ZC3H14: variants seen among roughly 807,000 people sequenced by gnomAD.
ZC3H14 encodes the protein zinc finger CCCH-type containing 14, also known as zinc finger CCCH domain-containing protein 14.
A neutral mutation model predicts 92.4 loss-of-function variants in ZC3H14; 31 were observed. That is an observed-to-expected ratio of 0.34 (90% CI 0.25 to 0.45). The LOEUF is 0.45. Ranked by LOEUF, ZC3H14 falls within the 20% of genes least tolerant of loss-of-function variation. The pLI is 1.00. For synonymous variants in ZC3H14, 321 were observed against 300.9 expected (o/e 1.07, Z -0.69); for missense variants, 781 against 897.3 (o/e 0.87, Z 1.66).
rs2089035974 is a variant in ZC3H14 at position 88,621,929 on chromosome 14, C to G, written c.*10178C>G. 1 of 455,198 alleles carries G rather than the reference C, an allele frequency of 2.2e-6. No homozygotes were observed. Among genetic ancestry groups the G allele is most frequent in the African/African-American group, 2.0e-5 (1 of 50,006 alleles). 28.2% of individuals were successfully genotyped at this position (455,198 alleles called of 1,614,324 possible). A position where few individuals can be genotyped will look rare whatever the true frequency, so the allele number is the denominator to read the frequency against. ...CCTGAAAATACATAAATACGTGATT[C>G]TTAACTATAGTCATCCTACAGTACT... is the stretch of plus-strand genomic sequence containing the variant. On this transcript the variant is annotated 3_prime_UTR_variant, in exon 17 of 17. Coordinates refer to ENST00000251038, the MANE Select transcript of ZC3H14 (RefSeq NM_024824.5).
intron 9 of ZC3H14, chr14:88,586,483 A>G (rs1595655774): frequency 6.6e-6 from 1 of 151,998 alleles, no homozygotes; most frequent in African/African-American, 2.4e-5. Flanking sequence ...TGCTCTCCAC[A>G]CCTTATATAT....
At chr14:88,580,755 A>G (rs2081819119) in intron 9 of ZC3H14, among the ~76,000 whole-genome samples, 1 of 152,216 alleles carries the variant, frequency 6.6e-6, no homozygotes, top group Non-Finnish European at 1.5e-5. Context: ...ATTTACCCAG[A>G]ACCATAACAC....
rs1176507038 is a variant in ZC3H14 at position 88,625,820 on chromosome 14, T to C, written c.*14069T>C. 6.6e-6 allele frequency: 1 copy of C among 152,230 alleles called. No homozygotes were observed. 9.4% of individuals were successfully genotyped at this position (152,230 alleles called of 1,614,324 possible). A position where few individuals can be genotyped will look rare whatever the true frequency, so the allele number is the denominator to read the frequency against. ...TCAAAAATGTAAGTGTACTTAAATA[T>C]TCTAAAATTATAACTTTTCCTATAA... On this transcript the variant is annotated 3_prime_UTR_variant, in exon 17 of 17. Coordinates refer to ENST00000251038, the MANE Select transcript of ZC3H14 (RefSeq NM_024824.5).
At chr14:88,563,208 C>T (rs773274592) in intron 1 of ZC3H14, 39 bp downstream of exon 1, 3 of 1,591,660 alleles carry the variant, frequency 1.9e-6, no homozygotes, top group Non-Finnish European at 1.7e-6. Context: ...AGCCAGGTCT[C>T]GGCGAGCGGG....
chr14:88,627,406 G>C lies in ZC3H14; in HGVS notation c.*15655G>C, dbSNP rs928847075. 6.1e-6 allele frequency: 3 copies of C among 493,642 alleles called. No individual in the cohort carries two copies. Among genetic ancestry groups the C allele is most frequent in the Non-Finnish European group, 1.1e-5 (3 of 281,666 alleles). 30.6% of individuals were successfully genotyped at this position (493,642 alleles called of 1,614,324 possible). A position where few individuals can be genotyped will look rare whatever the true frequency, so the allele number is the denominator to read the frequency against. ...CATAGTTTCTTGCTGGAAGAAAATA[G>C]CAGTGAATCATTTATAATGCTAATA... On this transcript the variant is annotated 3_prime_UTR_variant, in exon 17 of 17. Coordinates refer to ENST00000251038, the MANE Select transcript of ZC3H14 (RefSeq NM_024824.5).
At position 88,615,995 on chromosome 14, in the gene ZC3H14, T is replaced by C; in HGVS notation, c.*4244T>C. The C allele has an allele frequency of 7.9e-7, 1 of 1,267,498 alleles. No homozygotes were observed. Among genetic ancestry groups the C allele is most frequent in the Non-Finnish European group, 1.1e-6 (1 of 900,862 alleles). The allele number at this position is 1,267,498 out of a possible 1,614,324, so 78.5% of individuals were successfully genotyped here. On this transcript the variant is annotated 3_prime_UTR_variant, in exon 17 of 17. Coordinates refer to ENST00000251038, the MANE Select transcript of ZC3H14 (RefSeq NM_024824.5). ...TCCTTTTATTCTGTATTTGCATAAATATGAGATTCTGAAGAGCCATCTGGT... is the reference window on the plus strand; with the variant it reads ...TCCTTTTATTCTGTATTTGCATAAACATGAGATTCTGAAGAGCCATCTGGT...
intron 2 of ZC3H14, among the ~76,000 whole-genome samples, chr14:88,566,883 A>G (rs1413957343): frequency 1.3e-5 from 2 of 151,370 alleles, no homozygotes; most frequent in Admixed American, 6.6e-5. Context: ...TTGTGCCACT[A>G]CACTCCAACC....
chr14:88,609,529 C>G (rs957312735), intron 14 of ZC3H14, 126 bp downstream of exon 14: 28 of 1,488,060 alleles, frequency 1.9e-5, no homozygotes, highest in Non-Finnish European at 2.6e-5. Context: ...GTTAATCCAA[C>G]CAGTCTTTAA....
chr14:88,577,304 C>T (rs1173876843), intron 8 of ZC3H14, among the ~76,000 whole-genome samples: 1 of 152,142 alleles, frequency 6.6e-6, no homozygotes, highest in African/African-American at 2.4e-5. Context: ...TAGAGAAGTT[C>T]CATGACTTTG....
chr14:88,568,371 C>G (rs1380292705), intron 3 of ZC3H14, among the ~76,000 whole-genome samples: 1 of 152,210 alleles, frequency 6.6e-6, no homozygotes, highest in Non-Finnish European at 1.5e-5. Context: ...TTAATTGACT[C>G]AGAGTTCCAC....
chr14:88,578,781 G>GTTTTTTTTT (rs35101368), intron 9 of ZC3H14, among the ~76,000 whole-genome samples: 49 of 76,846 alleles, frequency 6.4e-4, no homozygotes, highest in African/African-American at 7.0e-4. Context: ...TTGCTTCCAG[G>GTTTTTTTTT]TTTTTTTTTT....
In ZC3H14 at chr14:88,616,972, C is replaced by T. The variant is rs1331587203; in HGVS notation, c.*5221C>T. On this transcript the variant is annotated 3_prime_UTR_variant, in exon 17 of 17. Coordinates refer to ENST00000251038, the MANE Select transcript of ZC3H14 (RefSeq NM_024824.5). ...TTCTTGGCAATTAATCTCTAAGTACCCTATCATGTTACTTAAAATACAGGA... is the reference window on the plus strand; with the variant it reads ...TTCTTGGCAATTAATCTCTAAGTACTCTATCATGTTACTTAAAATACAGGA... 8.4e-7 allele frequency: 1 copy of T among 1,184,876 alleles called. No individual in the cohort carries two copies. The highest frequency in any genetic ancestry group is 2.2e-5 in the Admixed American group (1 of 45,982). 73.4% of individuals were successfully genotyped at this position (1,184,876 alleles called of 1,614,324 possible).
At chr14:88,567,812 G>A (rs1652482102) in intron 2 of ZC3H14, 2 of 574,088 alleles carry the variant, frequency 3.5e-6, no homozygotes, top group Non-Finnish European at 6.5e-6. Context: ...AATTCAGAAT[G>A]TTTAGTTTTG....
intron 4 of ZC3H14, 88 bp downstream of exon 4, chr14:88,571,212 C>G (rs946155060): frequency 8.4e-7 from 1 of 1,196,530 alleles, no homozygotes; most frequent in Non-Finnish European, 1.2e-6. Flanking sequence ...TGGGAAAAAC[C>G]CATCAATTTC....
At chr14:88,596,129 T>C (rs1653985071) in intron 9 of ZC3H14, among the ~76,000 whole-genome samples, 1 of 152,186 alleles carries the variant, frequency 6.6e-6, no homozygotes, top group African/African-American at 2.4e-5. Flanking sequence ...AAGAAATAAG[T>C]AGTTGAACAT....
At position 88,618,088 on chromosome 14, in the gene ZC3H14, CA is replaced by C. The variant is rs1471326271; in HGVS notation, c.*6338del. 3.5e-6 allele frequency: 2 copies of C among 570,156 alleles called. No individual in the cohort carries two copies. The highest frequency in any genetic ancestry group is 6.1e-6 in the Non-Finnish European group (2 of 328,254). The allele number at this position is 570,156 out of a possible 1,614,324, so 35.3% of individuals were successfully genotyped here. A position where few individuals can be genotyped will look rare whatever the true frequency, so the allele number is the denominator to read the frequency against. The stretch of plus-strand genomic sequence containing the variant: ...CAATAAAAAGGGGTCCCAACATGAA[CA>C]TACCATTTCAAAATATGGTAACAAA... On this transcript the variant is annotated 3_prime_UTR_variant, in exon 17 of 17. Coordinates refer to ENST00000251038, the MANE Select transcript of ZC3H14 (RefSeq NM_024824.5).
At chr14:88,573,130 C>T (rs1566901742) in intron 6 of ZC3H14, 123 bp downstream of exon 6, 9 of 1,188,156 alleles carry the variant, frequency 7.6e-6, no homozygotes, top group Non-Finnish European at 8.5e-6. Flanking sequence ...CCTGTAATCC[C>T]AGGACTTTGG....
chr14:88,622,803 A>AT lies in ZC3H14; in HGVS notation c.*11053dup. ...AAACAAATACCAAGTTATAAGCAGAATCTTTTTTTTTTAAAAAGGCCCTGA... is the reference window on the plus strand; with the variant it reads ...AAACAAATACCAAGTTATAAGCAGAATTCTTTTTTTTTTAAAAAGGCCCTGA... On this transcript the variant is annotated 3_prime_UTR_variant, in exon 17 of 17. Coordinates refer to ENST00000251038, the MANE Select transcript of ZC3H14 (RefSeq NM_024824.5). The AT allele has an allele frequency of 1.3e-6, 1 of 791,064 alleles. No homozygotes were observed. The highest frequency in any genetic ancestry group is 3.3e-5 in the South Asian group (1 of 30,134). The allele number at this position is 791,064 out of a possible 1,614,324, so 49.0% of individuals were successfully genotyped here.
chr14:88,625,234 G>C lies in ZC3H14; in HGVS notation c.*13483G>C. 3 of 1,311,796 alleles carry C rather than the reference G, an allele frequency of 2.3e-6. No homozygotes were observed. In the South Asian group the frequency reaches 4.4e-5, roughly 19 times the overall value. The allele number at this position is 1,311,796 out of a possible 1,614,324, so 81.3% of individuals were successfully genotyped here. A position where few individuals can be genotyped will look rare whatever the true frequency, so the allele number is the denominator to read the frequency against. On this transcript the variant is annotated 3_prime_UTR_variant, in exon 17 of 17. Transcript: ENST00000251038. ...AATGCTGTCTCACCCTTGATACAAA[G>C]AGCATGCATCGTGTAGTGGCAGCAG...
Sources: gnomAD v4.1 joint callset for allele counts (sites outside exome capture counted in the v4.1 genomes callset) on GRCh38, gnomAD v4.1.1 for gene constraint, MANE v1.5 for transcripts, NCBI Gene and HGNC (gene_info 2026-07-23, HGNC 2026-07-21) for gene names.